The following KAZN variants were observed in gnomAD, a reference collection of about 807,000 sequenced individuals.
The protein encoded by KAZN is kazrin.
In KAZN, 40 loss-of-function variants were observed where a neutral mutation model predicts 87.4. The ratio of observed to expected loss-of-function variants is 0.46; its 90% confidence interval spans 0.36 to 0.60. The LOEUF (loss-of-function observed/expected upper bound fraction) is 0.60, where lower values mean the gene tolerates loss of function less well. Ranked by LOEUF, KAZN falls within the 20% of genes least tolerant of loss-of-function variation. KAZN has a pLI of 0.00. For synonymous variants in KAZN, 466 were observed against 458.3 expected (o/e 1.02, Z -0.22); for missense variants, 898 against 1,073.9 (o/e 0.84, Z 2.29).
chr1:14,461,501 T>C (rs1667850098), intron 2 of KAZN, among the ~76,000 whole-genome samples: 1 of 152,230 alleles, frequency 6.6e-6, no homozygotes, highest in African/African-American at 2.4e-5. Context: ...CACATGGAAC[T>C]GTGAGTCCAT....
At chr1:14,164,601 C>T (rs1410892082) in intron 1 of KAZN, among the ~76,000 whole-genome samples, 3 of 137,770 alleles carry the variant, frequency 2.2e-5, no homozygotes, top group African/African-American at 2.8e-5. Context: ...AGTGCAATGG[C>T]ACGATCTCGG....
At chr1:14,868,918 G>T (rs1451767695) in intron 1 of KAZN, among the ~76,000 whole-genome samples, 1 of 152,088 alleles carries the variant, frequency 6.6e-6, no homozygotes. Flanking sequence ...ACTGAATCGG[G>T]GTTGGCGGGG....
intron 2 of KAZN, among the ~76,000 whole-genome samples, chr1:14,424,991 A>G (rs1321815756): frequency 2.0e-5 from 3 of 152,226 alleles, no homozygotes; most frequent in Admixed American, 2.0e-4. Context: ...GCAAAAGCAC[A>G]TAATGAAAAA....
chr1:14,127,094 C>A (rs1310341080), intron 1 of KAZN, among the ~76,000 whole-genome samples: 1 of 118,712 alleles, frequency 8.4e-6, no homozygotes, highest in South Asian at 2.7e-4. Context: ...TGACAGAATG[C>A]GACTCCATCT....
At chr1:14,496,411 AATTG>A (rs1244516067) in intron 2 of KAZN, among the ~76,000 whole-genome samples, 8 of 152,160 alleles carry the variant, frequency 5.3e-5, no homozygotes, top group African/African-American at 1.7e-4. Flanking sequence ...CGAATATAAA[AATTG>A]ATATTCATAG....
At chr1:14,869,965 A>T (rs1572693284) in intron 1 of KAZN, among the ~76,000 whole-genome samples, 1 of 152,170 alleles carries the variant, frequency 6.6e-6, no homozygotes, top group African/African-American at 2.4e-5. Context: ...TTTGCCATTA[A>T]TCCCAAGGTA....
chr1:14,447,421 A>G (rs1277109832), intron 2 of KAZN, among the ~76,000 whole-genome samples: 1 of 151,580 alleles, frequency 6.6e-6, no homozygotes, highest in Non-Finnish European at 1.5e-5. Context: ...TTGTATTTTT[A>G]GTAGAGACGG....
At chr1:14,766,095 G>A (rs1644875461) in intron 1 of KAZN, among the ~76,000 whole-genome samples, 1 of 152,204 alleles carries the variant, frequency 6.6e-6, no homozygotes, top group Admixed American at 6.5e-5. Context: ...TAGTGAGACA[G>A]GAGAGGAAAA....
chr1:14,038,929 G>A (rs979368913), intron 1 of KAZN, among the ~76,000 whole-genome samples: 1 of 152,168 alleles, frequency 6.6e-6, no homozygotes, highest in South Asian at 2.1e-4. Flanking sequence ...ACTTTGGGAG[G>A]CTGAGGCAGG....
chr1:14,975,859 G>A (rs941700610), intron 2 of KAZN, among the ~76,000 whole-genome samples: 4 of 151,884 alleles, frequency 2.6e-5, no homozygotes, highest in Non-Finnish European at 5.9e-5. Flanking sequence ...GTGAAACCCC[G>A]TCTCTACTAA....
intron 2 of KAZN, among the ~76,000 whole-genome samples, chr1:14,276,952 T>A (rs1401951044): frequency 6.6e-6 from 1 of 152,230 alleles, no homozygotes; most frequent in Non-Finnish European, 1.5e-5. Flanking sequence ...GACTTCCGCC[T>A]ATACATTAAT....
chr1:14,337,907 A>T (rs1657391114), intron 2 of KAZN, among the ~76,000 whole-genome samples: 1 of 151,780 alleles, frequency 6.6e-6, no homozygotes, highest in African/African-American at 2.4e-5. Flanking sequence ...AAAAAAAAAA[A>T]AAAAAGAGCC....
intron 1 of KAZN, among the ~76,000 whole-genome samples, chr1:14,800,058 G>A (rs1645958918): frequency 6.6e-6 from 1 of 152,160 alleles, no homozygotes; most frequent in Admixed American, 6.5e-5. Flanking sequence ...AGGCTTGGAT[G>A]TATTGGGAAT....
intron 2 of KAZN, among the ~76,000 whole-genome samples, chr1:14,333,221 C>T (rs748268158): frequency 5.3e-5 from 8 of 152,302 alleles, no homozygotes; most frequent in South Asian, 2.1e-4. Context: ...TGATCTCATT[C>T]CTTTTTATAG....
At chr1:14,348,420 A>G (rs1420478410) in intron 2 of KAZN, among the ~76,000 whole-genome samples, 1 of 152,192 alleles carries the variant, frequency 6.6e-6, no homozygotes, top group Non-Finnish European at 1.5e-5. Context: ...ACACCTAGTT[A>G]AGACCATAGG....
chr1:14,816,509 T>G (rs1256840650), intron 1 of KAZN, among the ~76,000 whole-genome samples: 2 of 152,156 alleles, frequency 1.3e-5, no homozygotes, highest in African/African-American at 4.8e-5. Flanking sequence ...TTCTTTGCCC[T>G]CAGGGCTTCC....
rs536327883 is a variant in KAZN at position 14,707,797 on chromosome 1, A to G, written c.226+108574A>G. 3.3e-5 allele frequency among the ~76,000 whole-genome samples: 5 copies of G among 152,246 alleles called. No individual in the cohort carries two copies. In the East Asian group the frequency reaches 9.6e-4, roughly 29 times the overall value. ...CTTGGAGTAGTTGTTTTAAGTCCAT[A>G]AAGGTTTTACATCCTTAGGTTTCAT... On this transcript the variant is annotated intron_variant, in intron 1 of 14. Transcript: ENST00000376030.
intron 2 of KAZN, among the ~76,000 whole-genome samples, chr1:14,464,251 A>G (rs2039819): frequency 0.071 from 10,764 of 152,238 alleles, 874 homozygotes; most frequent in African/African-American, 0.2. Context: ...CAGACTGCAG[A>G]TGTGAGTTAC....
At chr1:14,288,363 T>C (rs147770579) in intron 2 of KAZN, among the ~76,000 whole-genome samples, 1,826 of 152,340 alleles carry the variant, frequency 0.012, 23 homozygotes, top group South Asian at 0.018. Context: ...CAGAGCCTGT[T>C]ATTGGTCTAT....
Sources: gnomAD v4.1 joint callset for allele counts (sites outside exome capture counted in the v4.1 genomes callset) on GRCh38, gnomAD v4.1.1 for gene constraint, MANE v1.5 for transcripts, NCBI Gene and HGNC (gene_info 2026-07-23, HGNC 2026-07-21) for gene names.